SLC6A19: variants seen among roughly 807,000 people sequenced by gnomAD.
SLC6A19 encodes the protein sodium-dependent neutral amino acid transporter B(0)AT1.
SLC6A19 carries 67 observed loss-of-function variants against 68.3 expected under a neutral mutation model. That is an observed-to-expected ratio of 0.98 (90% confidence interval 0.81 to 1.20). SLC6A19 has a LOEUF of 1.20. SLC6A19 is among the 50% of genes most tolerant of loss of function. The pLI, the probability that SLC6A19 is intolerant of heterozygous loss-of-function variation, is 0.00. For synonymous variants in SLC6A19, 392 were observed against 374.9 expected, an observed-to-expected ratio of 1.05 and a Z score of -0.53; for missense variants, 813 against 851.6, an observed-to-expected ratio of 0.95 and a Z score of 0.56.
At chr5:1,217,804 G>C (rs114198229) in intron 8 of SLC6A19, among the ~76,000 whole-genome samples, 2,150 of 152,334 alleles carry the variant, frequency 0.014, 57 homozygotes, top group African/African-American at 0.049. Flanking sequence ...GCCATGTGCA[G>C]CACCCCCGTC....
intron 11 of SLC6A19, 97 bp from the exon 12 acceptor site, chr5:1,221,604 G>T: frequency 6.7e-7 from 1 of 1,485,868 alleles, no homozygotes; most frequent in South Asian, 1.2e-5. Context: ...TGCCCCACAG[G>T]ACAGGAGGTG....
At position 1,214,283 on chromosome 5, in the gene SLC6A19, G is replaced by A. The variant is rs948199201; in HGVS notation, c.887+218G>A. Reference sequence around the variant, plus strand: ...CTCCCTGTGAGGAGGGCCAGGAGCCGGGCGCCTGCAGCTTTCCCCACACCC... The same window carrying A: ...CTCCCTGTGAGGAGGGCCAGGAGCCAGGCGCCTGCAGCTTTCCCCACACCC... On this transcript the variant is annotated intron_variant, in intron 6 of 11. Transcript: ENST00000304460. This position sits in a 1 kb window ranked among gnomAD's most constrained non-coding sequence, Gnocchi z 7.4. Among the ~76,000 whole-genome samples, 2 of 152,090 alleles carry A rather than the reference G, an allele frequency of 1.3e-5. No homozygotes were observed. Among genetic ancestry groups the A allele is most frequent in the South Asian group, 2.1e-4 (1 of 4,824 alleles).
Position 1,221,187 on chromosome 5 carries a change from G to A in SLC6A19, c.1575G>A (p.Lys525=), listed in dbSNP as rs1480712182. ...ACATCGAGTTCATGATCGGCCACAA[G>A]CCCAACATCTTCTGGCAAGTCACGT... ...NKDIEFMIGH[K]PNIFWQVTWR... Residue 525 remains lysine (K), a synonymous_variant, in exon 11 of 12, where the codon AAG becomes AAA. Transcript: ENST00000304460. 10 of 1,614,136 alleles carry A rather than the reference G, an allele frequency of 6.2e-6. No individual in the cohort carries two copies. The highest frequency in any genetic ancestry group is 8.5e-6 in the Non-Finnish European group (10 of 1,180,014).
At chr5:1,213,109 C>T (rs1369838955) in intron 4 of SLC6A19, among the ~76,000 whole-genome samples, 1 of 134,682 alleles carries the variant, frequency 7.4e-6, no homozygotes, top group Non-Finnish European at 1.6e-5. Flanking sequence ...CCCCCGTCGC[C>T]CTGGGCCCCC....
At position 1,214,403 on chromosome 5, in the gene SLC6A19, G is replaced by A. The variant is rs1746145451; in HGVS notation, c.887+338G>A. On this transcript the variant is annotated intron_variant, in intron 6 of 11. Coordinates refer to ENST00000304460, the MANE Select transcript of SLC6A19 (RefSeq NM_001003841.3). The surrounding 1 kb of genome is among the most constrained non-coding windows in gnomAD (Gnocchi z 7.4). ...TCCCAGCCCACCCCTGGGCATCCCA[G>A]GCCCCCAGACATGTGGCGCCCCCGA... is the stretch of plus-strand genomic sequence containing the variant. 6.6e-6 allele frequency among the ~76,000 whole-genome samples: 1 copy of A among 152,066 alleles called. No homozygotes were observed.
intron 1 of SLC6A19, among the ~76,000 whole-genome samples, chr5:1,204,882 A>G (rs1389875860): frequency 1.3e-5 from 2 of 151,278 alleles, no homozygotes; most frequent in Non-Finnish European, 3.0e-5. Flanking sequence ...TGCAGCATTT[A>G]CTTGGTGCCA....
Position 1,213,699 on chromosome 5 carries a change from C to A in SLC6A19, c.774+126C>A, listed in dbSNP as rs1006223517. 6 of 1,104,616 alleles carry A rather than the reference C, an allele frequency of 5.4e-6. No homozygotes were observed. In the Admixed American group the frequency reaches 7.9e-5, roughly 15 times the overall value. The allele number at this position is 1,104,616 out of a possible 1,614,324, so 68.4% of individuals were successfully genotyped here. ...AGCCTGCTGCTCGACCAGTCCCAGGCCTGAGGAGGTCCACGGGGCCAGCGA... is the reference window on the plus strand; with the variant it reads ...AGCCTGCTGCTCGACCAGTCCCAGGACTGAGGAGGTCCACGGGGCCAGCGA... On this transcript the variant is annotated intron_variant, in intron 5 of 11. Transcript: ENST00000304460.
chr5:1,217,786 C>G (rs775126699), intron 8 of SLC6A19, among the ~76,000 whole-genome samples: 63 of 152,258 alleles, frequency 4.1e-4, no homozygotes, highest in Non-Finnish European at 8.7e-4. Context: ...CTTCCAGTGC[C>G]TTGCACAGCC....
intron 1 of SLC6A19, among the ~76,000 whole-genome samples, chr5:1,203,428 A>T (rs1187490047): frequency 6.6e-6 from 1 of 152,102 alleles, no homozygotes; most frequent in African/African-American, 2.4e-5. Flanking sequence ...GGCAGCGGGC[A>T]GCGGGTTCCG....
intron 1 of SLC6A19, among the ~76,000 whole-genome samples, chr5:1,205,748 A>G (rs1485246076): frequency 6.6e-6 from 1 of 151,940 alleles, no homozygotes; most frequent in Non-Finnish European, 1.5e-5. Flanking sequence ...GAAGAGTTTC[A>G]AATCAAGCTC....
At position 1,208,795 on chromosome 5, in the gene SLC6A19, C is replaced by T; in HGVS notation, c.252C>T (p.Pro84=). The T allele has an allele frequency of 1.2e-6, 2 of 1,613,328 alleles. No homozygotes were observed. Among genetic ancestry groups the T allele is most frequent in the Non-Finnish European group, 1.7e-6 (2 of 1,179,982 alleles). Residue 84 remains proline (P), a synonymous_variant, in exon 2 of 12, where the codon CCC becomes CCT. Transcript: ENST00000304460. The stretch of plus-strand genomic sequence containing the variant: ...TCCTGCTGGTCCTGGAGGGCATCCC[C>T]CTGCTGTACCTGGAGTTCGCCATCG... ...FLILLVLEGI[P]LLYLEFAIGQ...
At chr5:1,216,021 AG>A (rs1329595138) in intron 6 of SLC6A19, among the ~76,000 whole-genome samples, 15 of 152,232 alleles carry the variant, frequency 9.9e-5, no homozygotes, top group Non-Finnish European at 5.9e-5. Context: ...GGATGGTGTC[AG>A]CATCAACCGA....
At chr5:1,217,762 A>G (rs1481246216) in intron 8 of SLC6A19, among the ~76,000 whole-genome samples, 1 of 152,258 alleles carries the variant, frequency 6.6e-6, no homozygotes, top group Non-Finnish European at 1.5e-5. Context: ...ATTATGCACC[A>G]TGAAATTCGC....
rs764717061 is a variant in SLC6A19 at position 1,215,693 on chromosome 5, G to A, written c.888-865G>A. On this transcript the variant is annotated intron_variant, in intron 6 of 11. Transcript: ENST00000304460. The surrounding 1 kb of genome is among the most constrained non-coding windows in gnomAD (Gnocchi z 5.1). ...TGGCTGTCATGAGTCATGCTGACGT[G>A]AGCCTGTGTGTACGCGTTTTTGTGG... 6.6e-5 allele frequency among the ~76,000 whole-genome samples: 10 copies of A among 152,236 alleles called. No individual in the cohort carries two copies. Among genetic ancestry groups the A allele is most frequent in the South Asian group, 2.1e-4 (1 of 4,832 alleles).
At chr5:1,210,389 G>A in intron 2 of SLC6A19, 55 bp from the exon 3 acceptor site, 1 of 1,606,480 alleles carries the variant, frequency 6.2e-7, no homozygotes, top group East Asian at 2.2e-5. Context: ...GTGGGGATGG[G>A]TGGCCAGTGG....
intron 4 of SLC6A19, among the ~76,000 whole-genome samples, chr5:1,213,232 C>T (rs1167248960): frequency 7.3e-5 from 6 of 81,740 alleles, no homozygotes; most frequent in East Asian, 3.5e-4. Context: ...CTCTGCCCTC[C>T]GCAGGCCCCG....
rs1238868464 is a variant in SLC6A19, at chr5:1,212,332, C to G, written c.511C>G (p.Pro171Ala). 2 of 1,613,674 alleles carry G rather than the reference C, an allele frequency of 1.2e-6. No homozygotes were observed. The highest frequency in any genetic ancestry group is 4.5e-5 in the East Asian group (2 of 44,890). ...GYVDECARSS[P>A]VDYFWYRETL... ...TGTGGACGAGTGCGCCAGGAGCTCC[C>G]CTGTGGACTACTTCTGGTACCGAGA... is the stretch of plus-strand genomic sequence containing the variant. The change falls in exon 4 of 12, where the codon CCT (proline) becomes GCT (alanine). Residue 171 changes from proline (P) to alanine (A), a missense_variant. Transcript: ENST00000304460. This position sits in a 1 kb window ranked among gnomAD's most constrained non-coding sequence, Gnocchi z 5.1.
rs201070872 is a variant in SLC6A19 at position 1,212,461 on chromosome 5, C to G, written c.640C>G (p.Arg214Gly). The change falls in exon 4 of 12, where the codon CGC becomes GGC. Residue 214 changes from arginine to glycine, a missense_variant. Transcript: ENST00000304460. This position sits in a 1 kb window ranked among gnomAD's most constrained non-coding sequence, Gnocchi z 5.1. ...AWSVLYMCTI[R>G]GIETTGKAVY... ...GAGCGTCCTGTACATGTGCACCATC[C>G]GCGGCATCGAGACCACCGGGAAGGT... The G allele has an allele frequency of 1.4e-5, 23 of 1,608,928 alleles. No homozygotes were observed. The highest frequency in any genetic ancestry group is 3.3e-5 in the South Asian group (3 of 91,070).
At position 1,208,858 on chromosome 5, in the gene SLC6A19, C is replaced by T. The variant is rs564753776; in HGVS notation, c.315C>T (p.Ser105=). 1.9e-6 allele frequency: 3 copies of T among 1,612,644 alleles called. No individual in the cohort carries two copies. The East Asian group carries it at 6.7e-5, about 36-fold the overall frequency. ...GGCGGGGCAGCCTGGGTGTGTGGAG[C>T]TCCATCCACCCGGCCCTGAAGGGCC... is the stretch of plus-strand genomic sequence containing the variant. ...RLRRGSLGVW[S]SIHPALKGLG... is the part of the protein sequence containing the mutation. The change falls in exon 2 of 12, where the codon AGC becomes AGT. Residue 105 remains serine (S), a synonymous_variant. Coordinates refer to ENST00000304460, the MANE Select transcript of SLC6A19 (RefSeq NM_001003841.3).
Sources: gnomAD v4.1 joint callset for allele counts (sites outside exome capture counted in the v4.1 genomes callset) on GRCh38, gnomAD v4.1.1 for gene constraint, Gnocchi (gnomAD v3.1) non-coding constraint, MANE v1.5 for transcripts, NCBI Gene and HGNC (gene_info 2026-07-23, HGNC 2026-07-21) for gene names.